Variants in PDE1C observed in about 807,000 individuals in gnomAD.
PDE1C encodes the protein dual specificity calcium/calmodulin-dependent 3',5'-cyclic nucleotide phosphodiesterase 1C.
PDE1C carries 62 observed loss-of-function variants against 93.1 expected under a neutral mutation model. The ratio of observed to expected loss-of-function variants is 0.67; its 90% CI spans 0.54 to 0.82. The LOEUF (loss-of-function observed/expected upper bound fraction) is 0.82. Among genes scored for constraint, PDE1C ranks in the 40% least tolerant of loss-of-function variants. The pLI, the probability that PDE1C is intolerant of heterozygous loss-of-function variation, is 0.00. For missense variants in PDE1C, 742 were observed against 884.6 expected (o/e 0.84, Z 2.04); for synonymous variants, 325 against 310.1 (o/e 1.05, Z -0.50).
chr7:31,849,704 T>C lies in PDE1C; in HGVS notation c.851+937A>G, dbSNP rs543375089. ...GTGTTAAACTCTCATCCCTCCCTGC[T>C]ACATTCTTTCTCTTTGACTTACCAC... On this transcript the variant is annotated intron_variant, in intron 8 of 17. Coordinates refer to ENST00000396191, the MANE Select transcript of PDE1C (RefSeq NM_001191057.4). Among the ~76,000 whole-genome samples, 42 of 152,264 alleles carry C rather than the reference T, an allele frequency of 2.8e-4. No individual in the cohort carries two copies. In the South Asian group the frequency reaches 2.9e-3, roughly 11 times the overall value.
chr7:31,776,724 G>A (rs535837447), intron 16 of PDE1C, among the ~76,000 whole-genome samples: 2 of 152,066 alleles, frequency 1.3e-5, no homozygotes, highest in South Asian at 4.2e-4. Flanking sequence ...CATCCAGAGT[G>A]GGAAGGAAGA....
chr7:31,974,522 A>G (rs1402888375), intron 2 of PDE1C, among the ~76,000 whole-genome samples: 1 of 152,176 alleles, frequency 6.6e-6, no homozygotes, highest in Non-Finnish European at 1.5e-5. Flanking sequence ...CACCCACTGA[A>G]ATGATGGCAC....
chr7:32,044,077 C>G (rs1792195527), intron 2 of PDE1C, among the ~76,000 whole-genome samples: 1 of 151,958 alleles, frequency 6.6e-6, no homozygotes, highest in African/African-American at 2.4e-5. Flanking sequence ...GAGCATATTC[C>G]CCACTTAAAA....
At chr7:31,977,572 C>T (rs373516330) in intron 2 of PDE1C, among the ~76,000 whole-genome samples, 6 of 152,242 alleles carry the variant, frequency 3.9e-5, no homozygotes, top group Non-Finnish European at 5.9e-5. Context: ...CCTTGATTGC[C>T]CCTTCTCCAT....
intron 3 of PDE1C, among the ~76,000 whole-genome samples, chr7:32,082,703 A>G (rs7808097): frequency 0.63 from 94,803 of 151,668 alleles, 29,968 homozygotes; most frequent in African/African-American, 0.71. Flanking sequence ...ACCAAAATCC[A>G]CTGTTCTGCA....
At chr7:31,658,299 CT>C in the PDE1C span, 684 of 1,381,978 alleles carry the variant, frequency 4.9e-4, no homozygotes, top group Middle Eastern at 1.9e-3. Flanking sequence ...AGCTGGATCC[CT>C]TTTTTTTTTC....
At chr7:32,415,324 A>G (rs748537064) in intron 1 of PDE1C, among the ~76,000 whole-genome samples, 1 of 152,008 alleles carries the variant, frequency 6.6e-6, no homozygotes, top group Non-Finnish European at 1.5e-5. Context: ...GGTGGCATGC[A>G]CCTGTAGTCC....
In PDE1C at chr7:32,152,501, A is replaced by G. The variant is rs748550688; in HGVS notation, c.308+17284T>C. On this transcript the variant is annotated intron_variant, in intron 3 of 18. Coordinates refer to the PDE1C transcript ENST00000396193. ...AGCTGTGACAAATGATCCCAGTTGC[A>G]TGAAACCTAAGGGTTCCAGGCTGAT... 6.8e-4 allele frequency among the ~76,000 whole-genome samples: 103 copies of G among 152,212 alleles called. 1 individual carries two copies. Among genetic ancestry groups the G allele is most frequent in the Non-Finnish European group, 2.8e-4 (19 of 68,040 alleles).
the PDE1C span, among the ~76,000 whole-genome samples, chr7:31,690,385 G>A: frequency 1.3e-5 from 2 of 152,184 alleles, no homozygotes; most frequent in African/African-American, 4.8e-5. Flanking sequence ...GGAAACTCAG[G>A]GTAAGCTCGG....
intron 2 of PDE1C, among the ~76,000 whole-genome samples, chr7:31,952,642 C>T (rs1367528076): frequency 6.6e-6 from 1 of 152,034 alleles, no homozygotes; most frequent in Non-Finnish European, 1.5e-5. Context: ...CTAGGTATTC[C>T]CAGTGGGCTA....
At chr7:31,895,421 C>CA (rs1345738822) in intron 2 of PDE1C, among the ~76,000 whole-genome samples, 2 of 152,104 alleles carry the variant, frequency 1.3e-5, no homozygotes, top group Admixed American at 6.5e-5. Flanking sequence ...AACCAGAGGA[C>CA]AATACAAGAC....
the PDE1C span, among the ~76,000 whole-genome samples, chr7:31,618,667 G>T: frequency 6.6e-6 from 1 of 152,124 alleles, no homozygotes; most frequent in Admixed American, 6.5e-5. Context: ...AATTATAGTT[G>T]AGTATTAGGG....
At chr7:32,240,063 G>A (rs1808430052) in intron 1 of PDE1C, among the ~76,000 whole-genome samples, 1 of 152,188 alleles carries the variant, frequency 6.6e-6, no homozygotes, top group African/African-American at 2.4e-5. Context: ...AGGTTTGTTT[G>A]TGTGGATTTT....
chr7:31,906,633 T>C (rs1349721791), intron 2 of PDE1C, among the ~76,000 whole-genome samples: 1 of 151,950 alleles, frequency 6.6e-6, no homozygotes. Flanking sequence ...AACCTTCAAG[T>C]TGGGTGAGAG....
intron 1 of PDE1C, among the ~76,000 whole-genome samples, chr7:32,280,191 T>A (rs965946982): frequency 6.6e-6 from 1 of 152,200 alleles, no homozygotes; most frequent in Non-Finnish European, 1.5e-5. Flanking sequence ...ATTGTAAATT[T>A]GTAGAAAGAC....
chr7:31,978,766 G>T (rs1286427686), intron 2 of PDE1C, among the ~76,000 whole-genome samples: 1 of 152,112 alleles, frequency 6.6e-6, no homozygotes, highest in Admixed American at 6.6e-5. Context: ...AGAGATTAAG[G>T]AGATCCTATG....
At chr7:32,368,398 T>C (rs1784263585) in intron 1 of PDE1C, among the ~76,000 whole-genome samples, 1 of 152,034 alleles carries the variant, frequency 6.6e-6, no homozygotes, top group Admixed American at 6.5e-5. Context: ...GACGATTCCA[T>C]TCACAATAGC....
the PDE1C span, among the ~76,000 whole-genome samples, chr7:31,718,395 G>A: frequency 6.6e-6 from 1 of 152,140 alleles, no homozygotes; most frequent in African/African-American, 2.4e-5. Flanking sequence ...CAGGTCTGAA[G>A]ACAAGAATGG....
chr7:32,410,777 T>G (rs1282019990), intron 1 of PDE1C, among the ~76,000 whole-genome samples: 1 of 152,164 alleles, frequency 6.6e-6, no homozygotes, highest in African/African-American at 2.4e-5. Flanking sequence ...GGGCACCTCC[T>G]TCTCCAGGTT....
Sources: allele counts gnomAD v4.1 joint callset (sites outside exome capture counted in the v4.1 genomes callset), GRCh38; gene constraint gnomAD v4.1.1; transcripts MANE v1.5; gene names NCBI Gene and HGNC (gene_info 2026-07-23, HGNC 2026-07-21).